The following BCAR3 variants were observed in gnomAD, a reference collection of about 807,000 sequenced individuals.
BCAR3 encodes the protein BCAR3 adaptor protein, NSP family member.
A neutral mutation model predicts 80.1 loss-of-function variants in BCAR3; 37 were observed. The ratio of observed to expected loss-of-function variants is 0.46; its 90% CI spans 0.36 to 0.61. The LOEUF is 0.61. Ranked by LOEUF, BCAR3 falls within the 20% of genes least tolerant of loss-of-function variation. The pLI, the probability that BCAR3 is intolerant of heterozygous loss-of-function variation, is 0.00. For missense variants in BCAR3, 978 were observed against 1,068.2 expected (o/e 0.92, Z 1.18); for synonymous variants, 389 against 418.9 (o/e 0.93, Z 0.87).
At chr1:93,663,034 C>A (rs1450748423) in intron 2 of BCAR3, among the ~76,000 whole-genome samples, 1 of 152,184 alleles carries the variant, frequency 6.6e-6, no homozygotes, top group Non-Finnish European at 1.5e-5. Context: ...TGGGGCTTCA[C>A]CTTATCGGGT....
chr1:93,746,481 C>T (rs1274124219), intron 2 of BCAR3, among the ~76,000 whole-genome samples: 1 of 152,100 alleles, frequency 6.6e-6, no homozygotes, highest in African/African-American at 2.4e-5. Context: ...TTAAAAAGAA[C>T]ACTAATATCT....
At position 93,586,989 on chromosome 1, in the gene BCAR3, G is replaced by T. The variant is rs1673971209; in HGVS notation, c.929+1988C>A. On this transcript the variant is annotated intron_variant, in intron 5 of 11. Coordinates refer to ENST00000260502, the MANE Select transcript of BCAR3 (RefSeq NM_003567.4). The surrounding 1 kb of genome is among the most constrained non-coding windows in gnomAD (Gnocchi z 4.2). ...GGGGTTTTGCCATGTTGGCCAGGTT[G>T]GTCTTGAACTCCTGAACTCAGGTAA... 6.6e-6 allele frequency among the ~76,000 whole-genome samples: 1 copy of T among 152,144 alleles called. No homozygotes were observed. The highest frequency in any genetic ancestry group is 2.4e-5 in the African/African-American group (1 of 41,426).
At chr1:93,717,147 C>G (rs976781783) in intron 2 of BCAR3, among the ~76,000 whole-genome samples, 1 of 152,152 alleles carries the variant, frequency 6.6e-6, no homozygotes, top group Non-Finnish European at 1.5e-5. Flanking sequence ...CCAGGCTAGG[C>G]TGCTGAAGGA....
intron 2 of BCAR3, among the ~76,000 whole-genome samples, chr1:93,647,407 A>G (rs1676176222): frequency 6.6e-6 from 1 of 152,242 alleles, no homozygotes; most frequent in Non-Finnish European, 1.5e-5. Flanking sequence ...AGACCAGAAC[A>G]TAAAAACATA....
intron 2 of BCAR3, among the ~76,000 whole-genome samples, chr1:93,659,048 C>T (rs1647527490): frequency 6.6e-6 from 1 of 152,204 alleles, no homozygotes; most frequent in South Asian, 2.1e-4. Context: ...GGCTTCCGCT[C>T]ATTTGCATGT....
chr1:93,760,836 T>C (rs57288295), intron 2 of BCAR3, among the ~76,000 whole-genome samples: 17,795 of 152,084 alleles, frequency 0.12, 1,460 homozygotes, highest in African/African-American at 0.22. Context: ...CAGGAGTTCA[T>C]CCCTGGACCT....
chr1:93,819,678 G>C (rs1306957162), intron 2 of BCAR3, among the ~76,000 whole-genome samples: 1 of 152,168 alleles, frequency 6.6e-6, no homozygotes, highest in Non-Finnish European at 1.5e-5. Flanking sequence ...AGACGCTGCT[G>C]GGTGCGAGTA....
At chr1:93,614,159 TC>T in intron 3 of BCAR3, 1 of 1,324,792 alleles carries the variant, frequency 7.5e-7, no homozygotes, top group Non-Finnish European at 9.6e-7. Flanking sequence ...CAGGCTGGTG[TC>T]CAGCCTGCCA....
intron 2 of BCAR3, among the ~76,000 whole-genome samples, chr1:93,650,825 T>C (rs893489425): frequency 6.6e-6 from 1 of 152,118 alleles, no homozygotes; most frequent in African/African-American, 2.4e-5. Flanking sequence ...AAAATTCCAC[T>C]TGTGCAAGTA....
At chr1:93,737,604 C>A (rs913554210) in intron 2 of BCAR3, among the ~76,000 whole-genome samples, 1 of 152,128 alleles carries the variant, frequency 6.6e-6, no homozygotes, top group African/African-American at 2.4e-5. Flanking sequence ...GGACTTTTGG[C>A]CTCCTGAACT....
rs1431060855 is a variant in BCAR3 at position 93,793,304 on chromosome 1, A to G, written c.-63+52263T>C. On this transcript the variant is annotated intron_variant, in intron 2 of 13. Coordinates refer to the BCAR3 transcript ENST00000370244. ...GGTCCTGGACTCTTTTTGGTTGGTA[A>G]ACTATTGATTATTGCCACAATTTCA... is the stretch of plus-strand genomic sequence containing the variant. 1.0e-4 allele frequency among the ~76,000 whole-genome samples: 6 copies of G among 58,420 alleles called. 1 individual carries two copies. The highest frequency in any genetic ancestry group is 9.7e-4 in the South Asian group (1 of 1,034). 38.3% of individuals were successfully genotyped at this position (58,420 alleles called of 152,430 possible). A position where few individuals can be genotyped will look rare whatever the true frequency, so the allele number is the denominator to read the frequency against.
intron 2 of BCAR3, among the ~76,000 whole-genome samples, chr1:93,749,790 C>T (rs1651489156): frequency 6.6e-6 from 1 of 151,756 alleles, no homozygotes. Context: ...TTACGTAAAG[C>T]AAATTGCACC....
chr1:93,669,001 C>T (rs1648067574), intron 2 of BCAR3, among the ~76,000 whole-genome samples: 2 of 152,180 alleles, frequency 1.3e-5, no homozygotes, highest in African/African-American at 4.8e-5. Context: ...CAATGAGCCA[C>T]CGCACCCGGC....
intron 2 of BCAR3, among the ~76,000 whole-genome samples, chr1:93,774,402 T>G (rs1046518980): frequency 5.3e-5 from 8 of 150,932 alleles, no homozygotes; most frequent in Admixed American, 2.6e-4. Flanking sequence ...GAGAATCGCT[T>G]GAACCCAGGA....
intron 2 of BCAR3, among the ~76,000 whole-genome samples, chr1:93,707,661 C>T (rs1280802506): frequency 6.6e-6 from 1 of 152,076 alleles, no homozygotes; most frequent in African/African-American, 2.4e-5. Context: ...GAGCTGAGAT[C>T]GCACCACTGC....
chr1:93,706,210 G>A (rs1649823214), intron 2 of BCAR3: 1 of 152,192 alleles, frequency 6.6e-6, no homozygotes, highest in South Asian at 2.1e-4. Flanking sequence ...CTTCAGGGGA[G>A]GCAGAGTCAC....
At chr1:93,576,660 CTA>C (rs1673472183) in intron 7 of BCAR3, among the ~76,000 whole-genome samples, 1 of 152,210 alleles carries the variant, frequency 6.6e-6, no homozygotes, top group Admixed American at 6.5e-5. Context: ...CGTCTGGAAA[CTA>C]TTAAAAATGT....
intron 3 of BCAR3, among the ~76,000 whole-genome samples, chr1:93,699,962 C>A (rs1162055879): frequency 2.0e-5 from 3 of 152,124 alleles, no homozygotes; most frequent in Admixed American, 2.0e-4. Context: ...AAGATCATCT[C>A]CCCTGGCTAC....
At chr1:93,813,493 T>G (rs1291344013) in intron 2 of BCAR3, among the ~76,000 whole-genome samples, 1 of 152,186 alleles carries the variant, frequency 6.6e-6, no homozygotes, top group Non-Finnish European at 1.5e-5. Context: ...ATGGATATAA[T>G]TTAAAAGTTA....
Sources: gnomAD v4.1 joint callset for allele counts (sites outside exome capture counted in the v4.1 genomes callset) on GRCh38, gnomAD v4.1.1 for gene constraint, Gnocchi (gnomAD v3.1) non-coding constraint, MANE v1.5 for transcripts, NCBI Gene and HGNC (gene_info 2026-07-23, HGNC 2026-07-21) for gene names.